Variants in PARL observed in about 807,000 individuals in gnomAD.
The protein encoded by PARL is presenilin associated rhomboid like.
PARL carries 44 observed loss-of-function variants against 51.6 expected under a neutral mutation model. The observed-to-expected ratio is 0.85, with a 90% CI of 0.67 to 1.10. The LOEUF is 1.10. PARL is among the 50% of genes least tolerant of loss of function. The pLI is 0.00. For missense variants in PARL, 441 were observed against 469.5 expected (o/e 0.94, Z 0.56); for synonymous variants, 172 against 164.0 (o/e 1.05, Z -0.37).
intron 5 of PARL, among the ~76,000 whole-genome samples, chr3:183,842,807 CAAA>C (rs370931513): frequency 3.7e-5 from 2 of 54,092 alleles, no homozygotes; most frequent in South Asian, 1.4e-3. Context: ...GACTCTATCT[CAAA>C]AAAAAAAAAA....
intron 1 of PARL, among the ~76,000 whole-genome samples, chr3:183,868,911 A>T (rs906071004): frequency 6.6e-6 from 1 of 152,090 alleles, no homozygotes; most frequent in Non-Finnish European, 1.5e-5. Flanking sequence ...CCACCAAATT[A>T]TTTGTGAGCT....
intron 9 of PARL, among the ~76,000 whole-genome samples, chr3:183,832,047 T>TATCAGG (rs1379296438): frequency 3.9e-5 from 6 of 152,172 alleles, no homozygotes; most frequent in African/African-American, 1.4e-4. Flanking sequence ...CCCTTCATGT[T>TATCAGG]TCTCATACTG....
At chr3:183,850,056 C>T (rs1450312022) in intron 4 of PARL, among the ~76,000 whole-genome samples, 4 of 152,148 alleles carry the variant, frequency 2.6e-5, no homozygotes, top group Non-Finnish European at 5.9e-5. Context: ...AAACTTACCA[C>T]AAAGAAAACC....
chr3:183,877,461 T>A (rs985915484), intron 1 of PARL, among the ~76,000 whole-genome samples: 8 of 152,214 alleles, frequency 5.3e-5, no homozygotes, highest in African/African-American at 1.4e-4. Flanking sequence ...TGAGAGGATT[T>A]ACTCCTACTC....
At chr3:183,834,324 G>C (rs1028857362) in intron 7 of PARL, among the ~76,000 whole-genome samples, 3 of 152,202 alleles carry the variant, frequency 2.0e-5, no homozygotes, top group Admixed American at 1.3e-4. Context: ...TGAGGCATGA[G>C]GATCCCTTAA....
chr3:183,878,463 T>C (rs1577396711), intron 1 of PARL, among the ~76,000 whole-genome samples: 1 of 152,198 alleles, frequency 6.6e-6, no homozygotes, highest in South Asian at 2.1e-4. Context: ...GCAGAGGCAG[T>C]TATGCTTCCT....
intron 1 of PARL, among the ~76,000 whole-genome samples, chr3:183,874,889 T>C (rs924445649): frequency 2.6e-5 from 4 of 152,134 alleles, no homozygotes; most frequent in African/African-American, 7.2e-5. Flanking sequence ...CTGGGCACCA[T>C]AGTGAGATCC....
chr3:183,841,096 C>T (rs542290786), intron 6 of PARL, among the ~76,000 whole-genome samples: 54 of 152,226 alleles, frequency 3.5e-4, no homozygotes, highest in African/African-American at 1.3e-3. Context: ...AGACTCATTC[C>T]CAAGAGTATA....
At chr3:183,828,528 T>C (rs1218235707), downstream of PARL, among the ~76,000 whole-genome samples, 1 of 152,220 alleles carries the variant, frequency 6.6e-6, no homozygotes, top group Non-Finnish European at 1.5e-5. Flanking sequence ...CTGTAAATCA[T>C]AGTAGAAACA....
At chr3:183,836,129 A>G (rs1311245589) in intron 7 of PARL, among the ~76,000 whole-genome samples, 1 of 147,316 alleles carries the variant, frequency 6.8e-6, no homozygotes, top group Admixed American at 6.9e-5. Flanking sequence ...AGGCAGGAGA[A>G]TTGCTTGAAC....
intron 4 of PARL, among the ~76,000 whole-genome samples, chr3:183,861,539 T>C (rs952765032): frequency 6.6e-5 from 10 of 152,196 alleles, no homozygotes; most frequent in Admixed American, 5.2e-4. Context: ...GAAAGCTGCA[T>C]CGGGTTCCAA....
At position 183,844,238 on chromosome 3, in the gene PARL, T is replaced by C; in HGVS notation, c.600A>G (p.Pro200=). The part of the protein sequence containing the change: ...RTMIRYFTSN[P]ASKVLCSPML... ...CACACAAGTTAGACTTACTTGAGGC[T>C]GGATTCGATGTGAAATATCTGATCA... is the stretch of plus-strand genomic sequence containing the variant. The change falls in exon 5 of 10, where the codon CCA becomes CCG. Residue 200 remains proline, a synonymous_variant. Transcript: ENST00000317096. The C allele has an allele frequency of 6.3e-7, 1 of 1,585,390 alleles. No homozygotes were observed. The highest frequency in any genetic ancestry group is 8.7e-7 in the Non-Finnish European group (1 of 1,155,044).
At chr3:183,861,920 C>T (rs370046856) in intron 4 of PARL, among the ~76,000 whole-genome samples, 42 of 152,230 alleles carry the variant, frequency 2.8e-4, no homozygotes, top group Admixed American at 2.7e-3. Flanking sequence ...ACCCCAGGCA[C>T]GCACCACCAC....
chr3:183,843,220 TAATA>T (rs1346020863), intron 5 of PARL: 1 of 985,116 alleles, frequency 1.0e-6, no homozygotes, highest in Non-Finnish European at 1.2e-6. Context: ...AAAGCTGTCT[TAATA>T]AATCTCTTTT....
downstream of PARL, among the ~76,000 whole-genome samples, chr3:183,828,346 C>T (rs1325693031): frequency 6.6e-6 from 1 of 152,174 alleles, no homozygotes; most frequent in Non-Finnish European, 1.5e-5. Context: ...CGCATCTTGC[C>T]TCATCTGTGT....
Position 183,844,219 on chromosome 3 carries a change from A to G in PARL, c.607+12T>C, listed in dbSNP as rs754623262. ...TTCTACCTTAAAATAAATTCACACA[A>G]GTTAGACTTACTTGAGGCTGGATTC... On this transcript the variant is annotated intron_variant, in intron 5 of 9. Coordinates refer to ENST00000317096, the MANE Select transcript of PARL (RefSeq NM_018622.7). 1 of 1,503,126 alleles carries G rather than the reference A, an allele frequency of 6.7e-7. No homozygotes were observed. The highest frequency in any genetic ancestry group is 1.7e-5 in the Admixed American group (1 of 59,882). The allele number at this position is 1,503,126 out of a possible 1,614,324, so 93.1% of individuals were successfully genotyped here.
chr3:183,873,172 G>A (rs1733407640), intron 1 of PARL, among the ~76,000 whole-genome samples: 1 of 152,088 alleles, frequency 6.6e-6, no homozygotes, highest in African/African-American at 2.4e-5. Context: ...CCAAAACAAA[G>A]GTGTATCATA....
intron 4 of PARL, among the ~76,000 whole-genome samples, chr3:183,855,234 A>T (rs993242322): frequency 6.6e-6 from 1 of 152,204 alleles, no homozygotes; most frequent in Non-Finnish European, 1.5e-5. Flanking sequence ...AGATGACGTT[A>T]ATAGTTGCAC....
chr3:183,846,231 C>T (rs1729932939), intron 4 of PARL, among the ~76,000 whole-genome samples: 1 of 152,118 alleles, frequency 6.6e-6, no homozygotes, highest in African/African-American at 2.4e-5. Flanking sequence ...TGGCTCACGT[C>T]TGTAATCCCA....
Sources: allele counts gnomAD v4.1 joint callset (sites outside exome capture counted in the v4.1 genomes callset), GRCh38; gene constraint gnomAD v4.1.1; transcripts MANE v1.5; gene names NCBI Gene and HGNC (gene_info 2026-07-23, HGNC 2026-07-21).